The following NTS variants were observed in gnomAD, a reference collection of about 807,000 sequenced individuals.
NTS encodes neurotensin/neuromedin N.
NTS carries 20 observed loss-of-function variants against 19.5 expected under a neutral mutation model. The ratio of observed to expected loss-of-function variants is 1.02; its 90% CI spans 0.72 to 1.49. The LOEUF is 1.49. Among genes scored for constraint, NTS ranks in the 40% most tolerant of loss-of-function variants. The pLI, the probability that NTS is intolerant of heterozygous loss-of-function variation, is 0.00. For missense variants in NTS, 215 were observed against 193.1 expected, an observed-to-expected ratio of 1.11 and a Z score of -0.67; for synonymous variants, 71 against 63.3, an observed-to-expected ratio of 1.12 and a Z score of -0.58.
Position 85,882,281 on chromosome 12 carries a change from T to A in NTS, c.419T>A (p.Ile140Lys), listed in dbSNP as rs1374823121. Residue 140 changes from isoleucine (I) to lysine (K), a missense_variant, in exon 4 of 4, where the codon ATA becomes AAA. Ile to Lys is a moderately radical substitution (Grantham distance 102). Transcript: ENST00000256010. ...GACAAAAATGGAAAGGAAGAAGTCA[T>A]AAAGAGAAAAATTCCTTATATTCTG... ...GNDKNGKEEV[I>K]KRKIPYILKR... 6.2e-7 allele frequency: 1 copy of A among 1,608,996 alleles called. No homozygotes were observed. Among genetic ancestry groups the A allele is most frequent in the Non-Finnish European group, 8.5e-7 (1 of 1,177,598 alleles).
chr12:85,877,067 T>C (rs2136590143), intron 2 of NTS, among the ~76,000 whole-genome samples: 1 of 152,200 alleles, frequency 6.6e-6, no homozygotes, highest in African/African-American at 2.4e-5. Flanking sequence ...TTTTATTATA[T>C]TGGGGGAAAT....
Position 85,878,465 on chromosome 12 carries a change from A to G in NTS, c.256A>G (p.Arg86Gly), listed in dbSNP as rs1881396116. Residue 86 changes from arginine to glycine, a missense_variant, in exon 3 of 4, where the codon AGA becomes GGA. Physicochemically the swap from Arg to Gly is moderately radical, Grantham distance 125. Coordinates refer to ENST00000256010, the MANE Select transcript of NTS (RefSeq NM_006183.5). ...AGTTCATGAAGAGGAGCTTGTTGCAAGAAGGAAACTTCCTACTGCTTTAGA... is the reference window on the plus strand; with the variant it reads ...AGTTCATGAAGAGGAGCTTGTTGCAGGAAGGAAACTTCCTACTGCTTTAGA... ...GEVHEEELVA[R>G]RKLPTALDGF... The G allele has an allele frequency of 6.2e-7, 1 of 1,613,964 alleles. No individual in the cohort carries two copies. Among genetic ancestry groups the G allele is most frequent in the East Asian group, 2.2e-5 (1 of 44,852 alleles).
At chr12:85,878,712 A>G (rs1881403331) in intron 3 of NTS, 143 bp downstream of exon 3, 2 of 476,496 alleles carry the variant, frequency 4.2e-6, no homozygotes, top group South Asian at 1.2e-4. Context: ...TGAAGTCAAC[A>G]TTGCTTCAGA....
Position 85,874,403 on chromosome 12 carries a change from G to C in NTS, c.-1G>C, listed in dbSNP as rs779311109. ...GACTTGGCTTGTTAGAAGGCTGAAA[G>C]ATGATGGCAGGAATGAAAATCCAGC... On this transcript the variant is annotated 5_prime_UTR_variant, in exon 1 of 4. Coordinates refer to ENST00000256010, the MANE Select transcript of NTS (RefSeq NM_006183.5). The C allele has an allele frequency of 1.6e-5, 26 of 1,612,678 alleles. No individual in the cohort carries two copies. Among genetic ancestry groups the C allele is most frequent in the South Asian group, 1.4e-4 (13 of 91,056 alleles).
Position 85,878,456 on chromosome 12 carries a change from C to G in NTS, c.247C>G (p.Leu83Val). 1 of 1,613,690 alleles carries G rather than the reference C, an allele frequency of 6.2e-7. No homozygotes were observed. The highest frequency in any genetic ancestry group is 8.5e-7 in the Non-Finnish European group (1 of 1,179,788). The change falls in exon 3 of 4, where the codon CTT becomes GTT. Residue 83 changes from leucine to valine, a missense_variant. Physicochemically the swap from Leu to Val is conservative, Grantham distance 32. Transcript: ENST00000256010. ...EETGEVHEEE[L>V]VARRKLPTAL... Reference sequence around the variant, plus strand: ...AACAGGAGAAGTTCATGAAGAGGAGCTTGTTGCAAGAAGGAAACTTCCTAC... The same window carrying G: ...AACAGGAGAAGTTCATGAAGAGGAGGTTGTTGCAAGAAGGAAACTTCCTAC...
Position 85,879,111 on chromosome 12 carries a change from G to A in NTS, c.360+542G>A, listed in dbSNP as rs188615762. On this transcript the variant is annotated intron_variant, in intron 3 of 3. Transcript: ENST00000256010. Reference sequence around the variant, plus strand: ...ATATTTTTATGTATATTTTATGTACGTAAAATATATTTTTATGTATATTTT... The same window carrying A: ...ATATTTTTATGTATATTTTATGTACATAAAATATATTTTTATGTATATTTT... 9.1e-3 allele frequency among the ~76,000 whole-genome samples: 1,066 copies of A among 117,116 alleles called. 14 individuals carry two copies. The highest frequency in any genetic ancestry group is 0.022 in the Middle Eastern group (3 of 134). 76.8% of individuals were successfully genotyped at this position (117,116 alleles called of 152,430 possible). A position where few individuals can be genotyped will look rare whatever the true frequency, so the allele number is the denominator to read the frequency against.
At chr12:85,875,498 A>C (rs970639722) in intron 1 of NTS, among the ~76,000 whole-genome samples, 2 of 152,148 alleles carry the variant, frequency 1.3e-5, no homozygotes, top group African/African-American at 2.4e-5. Context: ...AATGTGATTT[A>C]TACAAAATTT....
At position 85,877,031 on chromosome 12, in the gene NTS, T is replaced by A. The variant is rs149053281; in HGVS notation, c.135+330T>A. Among the ~76,000 whole-genome samples, 310 of 152,146 alleles carry A rather than the reference T, an allele frequency of 2.0e-3. 2 individuals are homozygous for A. Among genetic ancestry groups the A allele is most frequent in the African/African-American group, 6.9e-3 (287 of 41,524 alleles). On this transcript the variant is annotated intron_variant, in intron 2 of 3. Coordinates refer to ENST00000256010, the MANE Select transcript of NTS (RefSeq NM_006183.5). ...AAAGGTATATTGGTCTCAAGTTAAA[T>A]GAAAACAAAGTGAGCTCTTTGCCTT...
At chr12:85,875,035 T>G (rs1234198561) in intron 1 of NTS, among the ~76,000 whole-genome samples, 1 of 152,208 alleles carries the variant, frequency 6.6e-6, no homozygotes, top group Admixed American at 6.5e-5. Context: ...TTCCAGATCC[T>G]TTTTGAGAAC....
intron 3 of NTS, 28 bp downstream of exon 3, chr12:85,878,597 A>G: frequency 7.2e-7 from 1 of 1,385,654 alleles, no homozygotes; most frequent in Non-Finnish European, 1.0e-6. Flanking sequence ...TATTAATATG[A>G]TTATAGTTAC....
chr12:85,876,074 G>A (rs10735487), intron 1 of NTS, among the ~76,000 whole-genome samples: 134,150 of 151,894 alleles, frequency 0.88, 59,449 homozygotes, highest in East Asian at 1. Context: ...TGAAAAAATT[G>A]AGGATACATA....
chr12:85,878,027 A>T (rs553471900), intron 2 of NTS: 18 of 171,842 alleles, frequency 1.0e-4, no homozygotes, highest in Middle Eastern at 2.5e-3. Flanking sequence ...TTTTATTTTT[A>T]ATTTTTCATC....
chr12:85,879,019 G>T (rs1881411369), intron 3 of NTS, among the ~76,000 whole-genome samples: 1 of 147,612 alleles, frequency 6.8e-6, no homozygotes. Flanking sequence ...AAATATATTA[G>T]GCAAATAAAA....
In NTS at chr12:85,874,353, C is replaced by CT. The variant is rs1881281736; in HGVS notation, c.-49dup. 7.5e-7 allele frequency: 1 copy of CT among 1,329,462 alleles called. No homozygotes were observed. The highest frequency in any genetic ancestry group is 1.4e-5 in the African/African-American group (1 of 69,596). The allele number at this position is 1,329,462 out of a possible 1,614,324, so 82.4% of individuals were successfully genotyped here. A position where few individuals can be genotyped will look rare whatever the true frequency, so the allele number is the denominator to read the frequency against. On this transcript the variant is annotated 5_prime_UTR_variant, in exon 1 of 4. Transcript: ENST00000256010. ...AAGAGGAAGTGCTAGAGAGAGCCCC[C>CT]TTCAGTGTGCTTCTGACTTTTACGG...
At chr12:85,877,666 GGT>G (rs1881377497) in intron 2 of NTS, among the ~76,000 whole-genome samples, 1 of 151,978 alleles carries the variant, frequency 6.6e-6, no homozygotes, top group African/African-American at 2.4e-5. Flanking sequence ...GACAGGCCCC[GGT>G]GTGGGTTGTT....
chr12:85,882,162 A>T, intron 3 of NTS, 61 bp from the exon 4 acceptor site: 1 of 1,309,628 alleles, frequency 7.6e-7, no homozygotes, highest in Non-Finnish European at 1.1e-6. Context: ...ATGTAGAAAA[A>T]TGCTCTGAAA....
At position 85,879,295 on chromosome 12, in the gene NTS, G is replaced by A. The variant is rs11117070; in HGVS notation, c.360+726G>A. 1.1e-3 allele frequency among the ~76,000 whole-genome samples: 58 copies of A among 53,640 alleles called. 28 individuals carry two copies. The highest frequency in any genetic ancestry group is 0.062 in the Middle Eastern group (2 of 32). 35.2% of individuals were successfully genotyped at this position (53,640 alleles called of 152,430 possible). ...TTTATGTATATACCATATATTTTAT[G>A]TATATTTTATGTATATAAAATATAT... On this transcript the variant is annotated intron_variant, in intron 3 of 3. Transcript: ENST00000256010.
chr12:85,880,226 T>G (rs980299692), intron 3 of NTS, among the ~76,000 whole-genome samples: 5 of 152,234 alleles, frequency 3.3e-5, no homozygotes, highest in Admixed American at 3.3e-4. Flanking sequence ...CTTTACAATT[T>G]ATTGTCTTCA....
At chr12:85,880,001 G>A (rs890032760) in intron 3 of NTS, among the ~76,000 whole-genome samples, 3 of 149,308 alleles carry the variant, frequency 2.0e-5, no homozygotes, top group African/African-American at 4.9e-5. Flanking sequence ...AATTACTTTC[G>A]CACCAACCTA....
Sources: gnomAD v4.1 joint callset for allele counts (sites outside exome capture counted in the v4.1 genomes callset) on GRCh38, gnomAD v4.1.1 for gene constraint, MANE v1.5 for transcripts, NCBI Gene and HGNC (gene_info 2026-07-23, HGNC 2026-07-21) for gene names.